RBFOX1: variants seen among roughly 807,000 people sequenced by gnomAD.
RBFOX1 encodes the protein RNA binding protein fox-1 homolog 1.
A neutral mutation model predicts 57.7 loss-of-function variants in RBFOX1; 8 were observed. That is an observed-to-expected ratio of 0.14 (90% CI 0.08 to 0.25). The LOEUF is 0.25. RBFOX1 is among the 10% of genes least tolerant of loss of function. The pLI is 1.00. For missense variants in RBFOX1, 611 were observed against 548.5 expected (o/e 1.11, Z -1.14); for synonymous variants, 326 against 222.4 (o/e 1.47, Z -4.15).
chr16:6,542,743 C>T (rs998226303), intron 2 of RBFOX1, among the ~76,000 whole-genome samples: 9 of 150,822 alleles, frequency 6.0e-5, no homozygotes, highest in Non-Finnish European at 3.0e-5. Flanking sequence ...CTGCCTGCCT[C>T]GGCCCCCAGA....
At chr16:7,096,716 G>A (rs981968320) in intron 4 of RBFOX1, among the ~76,000 whole-genome samples, 2 of 152,068 alleles carry the variant, frequency 1.3e-5, no homozygotes, top group African/African-American at 4.8e-5. Flanking sequence ...TATATCACCT[G>A]AGGTCAGGTG....
intron 2 of RBFOX1, among the ~76,000 whole-genome samples, chr16:6,406,907 T>C (rs897384831): frequency 1.3e-5 from 2 of 152,168 alleles, no homozygotes; most frequent in African/African-American, 4.8e-5. Flanking sequence ...CCCTACTGAC[T>C]GTGTGACTAC....
intron 3 of RBFOX1, among the ~76,000 whole-genome samples, chr16:6,875,140 T>G (rs571002314): frequency 1.3e-5 from 2 of 152,332 alleles, no homozygotes; most frequent in Admixed American, 6.5e-5. Flanking sequence ...TTATACCATT[T>G]AATCATATAA....
chr16:6,972,388 C>T (rs1177354837), intron 3 of RBFOX1, among the ~76,000 whole-genome samples: 2 of 152,076 alleles, frequency 1.3e-5, no homozygotes, highest in African/African-American at 4.8e-5. Flanking sequence ...AGCATAATGT[C>T]CTCAGGGTTC....
At chr16:5,468,834 A>T (rs1231641473) in intron 2 of RBFOX1, among the ~76,000 whole-genome samples, 1 of 152,216 alleles carries the variant, frequency 6.6e-6, no homozygotes, top group African/African-American at 2.4e-5. Context: ...AAACACAGTT[A>T]CAAGTTGTGA....
At chr16:6,893,247 C>G (rs917731567) in intron 3 of RBFOX1, among the ~76,000 whole-genome samples, 4 of 152,216 alleles carry the variant, frequency 2.6e-5, no homozygotes, top group Non-Finnish European at 4.4e-5. Context: ...CACAGCTTCT[C>G]CCAGAAGAAC....
At chr16:7,541,362 C>G (rs943993111) in intron 5 of RBFOX1, among the ~76,000 whole-genome samples, 9 of 152,186 alleles carry the variant, frequency 5.9e-5, no homozygotes, top group Non-Finnish European at 8.8e-5. Flanking sequence ...TTTCCTCTTT[C>G]AGATTTACCT....
intron 3 of RBFOX1, among the ~76,000 whole-genome samples, chr16:6,876,787 A>T (rs941003081): frequency 3.9e-5 from 6 of 152,178 alleles, no homozygotes; most frequent in African/African-American, 1.4e-4. Context: ...ATTACAAGAA[A>T]ACATGAAATA....
chr16:5,538,175 G>C (rs2044776111), intron 2 of RBFOX1, among the ~76,000 whole-genome samples: 1 of 152,166 alleles, frequency 6.6e-6, no homozygotes, highest in South Asian at 2.1e-4. Flanking sequence ...AGGGTGTGGA[G>C]ATGTAGAGCC....
chr16:7,573,402 G>T (rs186809175), intron 5 of RBFOX1, among the ~76,000 whole-genome samples: 1 of 151,916 alleles, frequency 6.6e-6, no homozygotes, highest in African/African-American at 2.4e-5. Context: ...CCACTTTCCC[G>T]TCCACCTCTA....
At chr16:6,448,280 C>G (rs1357197660) in intron 2 of RBFOX1, among the ~76,000 whole-genome samples, 1 of 146,988 alleles carries the variant, frequency 6.8e-6, no homozygotes, top group African/African-American at 2.5e-5. Flanking sequence ...CTATCTTAGC[C>G]TCCCAAGTAG....
At chr16:5,458,539 C>T (rs2068697778) in intron 1 of RBFOX1, among the ~76,000 whole-genome samples, 2 of 152,194 alleles carry the variant, frequency 1.3e-5, no homozygotes, top group South Asian at 4.2e-4. Flanking sequence ...TATTATTTTG[C>T]CTTACATAGG....
At chr16:5,296,273 C>G (rs374259644) in intron 1 of RBFOX1, among the ~76,000 whole-genome samples, 32 of 152,146 alleles carry the variant, frequency 2.1e-4, no homozygotes, top group African/African-American at 7.7e-4. Context: ...CTTTGAGGGA[C>G]TATGTTTCGG....
intron 1 of RBFOX1, among the ~76,000 whole-genome samples, chr16:6,178,682 G>A (rs2097035050): frequency 6.6e-6 from 1 of 152,108 alleles, no homozygotes; most frequent in Non-Finnish European, 1.5e-5. Flanking sequence ...TGATCCTAGA[G>A]GGTATCTAGT....
chr16:7,118,975 G>C (rs76664724), intron 4 of RBFOX1, among the ~76,000 whole-genome samples: 1 of 152,124 alleles, frequency 6.6e-6, no homozygotes, highest in African/African-American at 2.4e-5. Flanking sequence ...ATACATATTG[G>C]ATGTACTTGC....
intron 14 of RBFOX1, among the ~76,000 whole-genome samples, chr16:7,702,582 C>G (rs1225416758): frequency 6.6e-6 from 1 of 152,206 alleles, no homozygotes; most frequent in Non-Finnish European, 1.5e-5. Context: ...GGAAGTAAAG[C>G]AGTAGCTGGG....
At chr16:6,810,129 A>T (rs2088088824) in intron 3 of RBFOX1, among the ~76,000 whole-genome samples, 1 of 152,042 alleles carries the variant, frequency 6.6e-6, no homozygotes, top group Non-Finnish European at 1.5e-5. Flanking sequence ...TTACCAACAA[A>T]TATGCCTCTT....
intron 3 of RBFOX1, among the ~76,000 whole-genome samples, chr16:6,922,539 C>G (rs1156424800): frequency 6.6e-6 from 1 of 152,070 alleles, no homozygotes; most frequent in Non-Finnish European, 1.5e-5. Context: ...TTTCCTGCGT[C>G]TGTGTTTTCA....
intron 3 of RBFOX1, among the ~76,000 whole-genome samples, chr16:7,029,203 CGTATACGTATATATATACACACATAT>C (rs1568441249): frequency 2.1e-5 from 1 of 47,596 alleles, no homozygotes; most frequent in African/African-American, 6.4e-5. Context: ...CATATGTATA[CGTATACGTATATATATACACACATAT>C]ATATACGTAT....
Sources: allele counts gnomAD v4.1 joint callset (sites outside exome capture counted in the v4.1 genomes callset), GRCh38; gene constraint gnomAD v4.1.1; transcripts MANE v1.5; gene names NCBI Gene and HGNC (gene_info 2026-07-23, HGNC 2026-07-21).